Variants in SIGMAR1 observed in about 807,000 individuals in gnomAD.
SIGMAR1 encodes the protein sigma non-opioid intracellular receptor 1, also known as SR31747 binding protein 1.
SIGMAR1 carries 18 observed loss-of-function variants against 25.4 expected under a neutral mutation model. The ratio of observed to expected loss-of-function variants is 0.71; its 90% CI spans 0.49 to 1.05. The LOEUF is 1.05. Among genes scored for constraint, SIGMAR1 ranks in the 50% least tolerant of loss-of-function variants. The pLI, the probability that SIGMAR1 is intolerant of heterozygous loss-of-function variation, is 0.00. For synonymous variants in SIGMAR1, 125 were observed against 131.6 expected (o/e 0.95, Z 0.34); for missense variants, 249 against 301.6 (o/e 0.83, Z 1.29).
rs1820773688 is a variant in SIGMAR1, at chr9:34,634,730, A to G, written c.*902T>C. On this transcript the variant is annotated 3_prime_UTR_variant, in exon 4 of 4. Coordinates refer to ENST00000277010, the MANE Select transcript of SIGMAR1 (RefSeq NM_005866.4). Reference sequence around the variant, plus strand: ...TCAGACACACAAAAAGATGGAACAGATCAACAAATCTTTATTAATAGAAAC... The same window carrying G: ...TCAGACACACAAAAAGATGGAACAGGTCAACAAATCTTTATTAATAGAAAC... 2 of 152,322 alleles carry G rather than the reference A, an allele frequency of 1.3e-5. No individual in the cohort carries two copies. Among genetic ancestry groups the G allele is most frequent in the Non-Finnish European group, 2.9e-5 (2 of 68,126 alleles). 9.4% of individuals were successfully genotyped at this position (152,322 alleles called of 1,614,324 possible).
chr9:34,637,453 CT>C, intron 1 of SIGMAR1, 33 bp from the exon 2 acceptor site: 3 of 1,592,514 alleles, frequency 1.9e-6, no homozygotes, highest in Non-Finnish European at 2.6e-6. Flanking sequence ...GGAGTCAGGG[CT>C]GGCACCGGTC....
chr9:34,635,205 C>T lies in SIGMAR1; in HGVS notation c.*427G>A. 1 of 269,418 alleles carries T rather than the reference C, an allele frequency of 3.7e-6. No homozygotes were observed. The highest frequency in any genetic ancestry group is 3.9e-5 in the South Asian group (1 of 25,534). The allele number at this position is 269,418 out of a possible 1,614,324, so 16.7% of individuals were successfully genotyped here. On this transcript the variant is annotated 3_prime_UTR_variant, in exon 4 of 4. Transcript: ENST00000277010. This position sits in a 1 kb window ranked among gnomAD's most constrained non-coding sequence, Gnocchi z 4.5. Reference sequence around the variant, plus strand: ...TCTTCCCCCTCATCCCCTCAAATTGCTGCTGGGTTGAGGAGTCAGACTGAG... The same window carrying T: ...TCTTCCCCCTCATCCCCTCAAATTGTTGCTGGGTTGAGGAGTCAGACTGAG...
chr9:34,635,760 G>A lies in SIGMAR1; in HGVS notation c.544C>T (p.Leu182=), dbSNP rs745620460. ...EYGRGVIPST[L]AFALADTVFS... ...ACAGTGTCGGCCAGCGCGAAGGCCA[G>A]GGTGGATGGGATGACGCCCCGGCCG... Residue 182 remains leucine, a synonymous_variant, in exon 4 of 4, where the codon CTG becomes TTG. Transcript: ENST00000277010. This position sits in a 1 kb window ranked among gnomAD's most constrained non-coding sequence, Gnocchi z 4.5. 2.5e-6 allele frequency: 4 copies of A among 1,614,238 alleles called. No homozygotes were observed. The South Asian group carries it at 3.3e-5, about 13-fold the overall frequency.
At chr9:34,637,504 C>T in intron 1 of SIGMAR1, 43 bp downstream of exon 1, 1 of 1,580,882 alleles carries the variant, frequency 6.3e-7, no homozygotes, top group African/African-American at 1.3e-5. Flanking sequence ...CTAGGCTCCG[C>T]TCCCAGGCCG....
At chr9:34,636,298 T>G (rs1277241644) in intron 3 of SIGMAR1, among the ~76,000 whole-genome samples, 1 of 146,512 alleles carries the variant, frequency 6.8e-6, no homozygotes, top group Non-Finnish European at 1.5e-5. Context: ...CTCTATTTCT[T>G]AAGTAAATTG....
rs1820840366 is a variant in SIGMAR1 at position 34,635,910 on chromosome 9, A to G, written c.446-52T>C. ...AAAGCCAGCTCTGCCCTGCCCTTCCATGGCTGCTGCTTCCCTGGCCCATGG... is the reference window on the plus strand; with the variant it reads ...AAAGCCAGCTCTGCCCTGCCCTTCCGTGGCTGCTGCTTCCCTGGCCCATGG... On this transcript the variant is annotated intron_variant, in intron 3 of 3. Coordinates refer to ENST00000277010, the MANE Select transcript of SIGMAR1 (RefSeq NM_005866.4). The surrounding 1 kb of genome is among the most constrained non-coding windows in gnomAD (Gnocchi z 4.5). 6.2e-7 allele frequency: 1 copy of G among 1,609,790 alleles called. No homozygotes were observed. Among genetic ancestry groups the G allele is most frequent in the Non-Finnish European group, 8.5e-7 (1 of 1,179,292 alleles).
intron 3 of SIGMAR1, among the ~76,000 whole-genome samples, 157 bp from the exon 4 acceptor site, chr9:34,636,015 C>T (rs1820843961): frequency 6.6e-6 from 1 of 152,138 alleles, no homozygotes; most frequent in Admixed American, 6.5e-5. Context: ...CAGATGGCCA[C>T]TCCTAAATGT....
At position 34,637,000 on chromosome 9, in the gene SIGMAR1, GGTAGAAGAC is replaced by G; in HGVS notation, c.433_441del (p.Val145_Tyr147del). On this transcript the variant is annotated inframe_deletion, in exon 3 of 4. Transcript: ENST00000277010. Reference sequence around the variant, plus strand: ...CTGACAGAGCCTTCTTACCCACCTGGGTAGAAGACCTCACTTTTGGTGGTGCCCTCTCTC... The same window carrying G: ...CTGACAGAGCCTTCTTACCCACCTGGCTCACTTTTGGTGGTGCCCTCTCTC... 6.2e-7 allele frequency: 1 copy of G among 1,613,632 alleles called. No individual in the cohort carries two copies. Among genetic ancestry groups the G allele is most frequent in the East Asian group, 2.2e-5 (1 of 44,886 alleles).
chr9:34,636,243 C>G (rs1369973804), intron 3 of SIGMAR1, among the ~76,000 whole-genome samples: 2 of 151,196 alleles, frequency 1.3e-5, no homozygotes, highest in Non-Finnish European at 2.9e-5. Context: ...ACCACCATGC[C>G]TGCGATGCAT....
In SIGMAR1 at chr9:34,637,274, G is replaced by A. The variant is rs1278952640; in HGVS notation, c.298C>T (p.Leu100=). The A allele has an allele frequency of 6.3e-7, 1 of 1,576,182 alleles. No homozygotes were observed. The highest frequency in any genetic ancestry group is 8.6e-7 in the Non-Finnish European group (1 of 1,165,290). The change falls in exon 2 of 4, where the codon CTG becomes TTG. Residue 100 remains leucine, a synonymous_variant. Coordinates refer to ENST00000277010, the MANE Select transcript of SIGMAR1 (RefSeq NM_005866.4). ...MGAMCLLHAS[L]SEYVLLFGTA... Reference sequence around the variant, plus strand: ...CCGAAGAGCAGCACATACTCGGACAGCGAGGCGTGCAGAAGGCACATGGCG... The same window carrying A: ...CCGAAGAGCAGCACATACTCGGACAACGAGGCGTGCAGAAGGCACATGGCG...
In SIGMAR1 at chr9:34,635,127, A is replaced by G; in HGVS notation, c.*505T>C. On this transcript the variant is annotated 3_prime_UTR_variant, in exon 4 of 4. Transcript: ENST00000277010. This position sits in a 1 kb window ranked among gnomAD's most constrained non-coding sequence, Gnocchi z 4.5. ...AAGGCATATGGTGAGGACAGGGGAG[A>G]AGGGGAAGGGCATCATAGCTGCAGG... 1 of 235,348 alleles carries G rather than the reference A, an allele frequency of 4.2e-6. No individual in the cohort carries two copies. The highest frequency in any genetic ancestry group is 5.7e-5 in the South Asian group (1 of 17,572). 14.6% of individuals were successfully genotyped at this position (235,348 alleles called of 1,614,324 possible). A position where few individuals can be genotyped will look rare whatever the true frequency, so the allele number is the denominator to read the frequency against.
In SIGMAR1 at chr9:34,637,231, C is replaced by A; in HGVS notation, c.341G>T (p.Arg114Leu). 6.4e-7 allele frequency: 1 copy of A among 1,559,432 alleles called. No homozygotes were observed. The highest frequency in any genetic ancestry group is 1.9e-5 in the Admixed American group (1 of 52,598). Reference sequence around the variant, plus strand: ...CCGCTAGCACTGACCCGAGTGGCCGCGGGAGCCCAAGGCGGTGCCGAAGAG... The same window carrying A: ...CCGCTAGCACTGACCCGAGTGGCCGAGGGAGCCCAAGGCGGTGCCGAAGAG... Reference protein sequence around the residue: ...VLLFGTALGSRGHSGRYWAEI... With the variant: ...VLLFGTALGSLGHSGRYWAEI... Residue 114 changes from arginine to leucine, a missense_variant, in exon 2 of 4, where the codon CGC becomes CTC. Transcript: ENST00000277010.
In SIGMAR1 at chr9:34,634,803, ATGTG is replaced by A. The variant is rs10580085; in HGVS notation, c.*825_*828del. The A allele has an allele frequency of 0.046, 6,891 of 149,516 alleles. 228 individuals carry two copies. The highest frequency in any genetic ancestry group is 0.07 in the South Asian group (328 of 4,706). 9.3% of individuals were successfully genotyped at this position (149,516 alleles called of 1,614,324 possible). On this transcript the variant is annotated 3_prime_UTR_variant, in exon 4 of 4. Coordinates refer to ENST00000277010, the MANE Select transcript of SIGMAR1 (RefSeq NM_005866.4). ...GCAGGGGCTGTGTGAAAACTGTGAT[ATGTG>A]TGTGTGTGTGTGTGTGTGTATGTGT...
chr9:34,635,657 G>A lies in SIGMAR1; in HGVS notation c.647C>T (p.Thr216Ile), dbSNP rs1820821400. Residue 216 changes from threonine to isoleucine, a missense_variant, in exon 4 of 4, where the codon ACC becomes ATC. Transcript: ENST00000277010. The surrounding 1 kb of genome is among the most constrained non-coding windows in gnomAD (Gnocchi z 4.5). ...TCAAGGGTCCTGGCCAAAGAGGTAG[G>A]TGGTGAGCTCAAGCCGGAGGCCCCG... ...YARGLRLELT[T>I]YLFGQDP The A allele has an allele frequency of 6.2e-7, 1 of 1,614,242 alleles. No homozygotes were observed. Among genetic ancestry groups the A allele is most frequent in the Non-Finnish European group, 8.5e-7 (1 of 1,180,032 alleles).
rs59277791 is a variant in SIGMAR1, at chr9:34,637,269, G to A, written c.303C>T (p.Ser101=). 4.1e-5 allele frequency: 65 copies of A among 1,572,826 alleles called. No individual in the cohort carries two copies. In the East Asian group the frequency reaches 4.9e-4, roughly 12 times the overall value. The part of the protein sequence containing the change: ...GAMCLLHASL[S]EYVLLFGTAL... ...CGGTGCCGAAGAGCAGCACATACTC[G>A]GACAGCGAGGCGTGCAGAAGGCACA... Residue 101 remains serine, a synonymous_variant, in exon 2 of 4, where the codon TCC becomes TCT. Coordinates refer to ENST00000277010, the MANE Select transcript of SIGMAR1 (RefSeq NM_005866.4).
intron 3 of SIGMAR1, chr9:34,636,701 TA>T (rs1205435037): frequency 1.9e-6 from 1 of 513,056 alleles, no homozygotes; most frequent in Non-Finnish European, 3.6e-6. Context: ...CATTTCTGAT[TA>T]CCCATTGTCT....
Position 34,635,797 on chromosome 9 carries a change from C to T in SIGMAR1, c.507G>A (p.Trp169Ter). Residue 169 changes from tryptophan to a stop codon, truncating the protein, a stop_gained, in exon 4 of 4, where the codon TGG becomes TGA. Coordinates refer to ENST00000277010, the MANE Select transcript of SIGMAR1 (RefSeq NM_005866.4). LOFTEE classifies it high-confidence loss of function. This position sits in a 1 kb window ranked among gnomAD's most constrained non-coding sequence, Gnocchi z 4.5. Reference protein sequence around the residue: ...ATAVEWGPNTWMVEYGRGVIP... With the variant: ...ATAVEWGPNT The stretch of plus-strand genomic sequence containing the variant: ...TGACGCCCCGGCCGTACTCCACCAT[C>T]CATGTGTTTGGCCCCCACTCCACAG... The T allele has an allele frequency of 6.2e-7, 1 of 1,614,210 alleles. No individual in the cohort carries two copies. The highest frequency in any genetic ancestry group is 8.5e-7 in the Non-Finnish European group (1 of 1,180,030).
chr9:34,637,760 A>G lies in SIGMAR1; in HGVS notation c.-63T>C. 3 of 1,223,750 alleles carry G rather than the reference A, an allele frequency of 2.5e-6. No homozygotes were observed. Among genetic ancestry groups the G allele is most frequent in the Non-Finnish European group, 3.2e-6 (3 of 933,854 alleles). The allele number at this position is 1,223,750 out of a possible 1,614,324, so 75.8% of individuals were successfully genotyped here. On this transcript the variant is annotated 5_prime_UTR_variant, in exon 1 of 4. Transcript: ENST00000277010. Reference sequence around the variant, plus strand: ...AGCCGGGGCCTGAGGCTTTGCGCTCACGGCCTCGGAGCCCGCCGGCTGCCC... The same window carrying G: ...AGCCGGGGCCTGAGGCTTTGCGCTCGCGGCCTCGGAGCCCGCCGGCTGCCC...
In SIGMAR1 at chr9:34,635,778, C is replaced by T; in HGVS notation, c.526G>A (p.Gly176Ser). Residue 176 changes from glycine (G) to serine (S), a missense_variant, in exon 4 of 4, where the codon GGC becomes AGC. Coordinates refer to ENST00000277010, the MANE Select transcript of SIGMAR1 (RefSeq NM_005866.4). This position sits in a 1 kb window ranked among gnomAD's most constrained non-coding sequence, Gnocchi z 4.5. ...AAGGCCAGGGTGGATGGGATGACGC[C>T]CCGGCCGTACTCCACCATCCATGTG... ...PNTWMVEYGRGVIPSTLAFAL... is the reference protein window; with the variant it reads ...PNTWMVEYGRSVIPSTLAFAL... 1 of 1,614,208 alleles carries T rather than the reference C, an allele frequency of 6.2e-7. No individual in the cohort carries two copies. The highest frequency in any genetic ancestry group is 8.5e-7 in the Non-Finnish European group (1 of 1,180,040).
Sources: allele counts gnomAD v4.1 joint callset (sites outside exome capture counted in the v4.1 genomes callset), GRCh38; gene constraint gnomAD v4.1.1; non-coding constraint Gnocchi (gnomAD v3.1); transcripts MANE v1.5; gene names NCBI Gene and HGNC (gene_info 2026-07-23, HGNC 2026-07-21).